GALNT3: variants seen among roughly 807,000 people sequenced by gnomAD.
GALNT3 encodes the protein GalNAc transferase 3.
A neutral mutation model predicts 69.8 loss-of-function variants in GALNT3; 51 were observed. That is an observed-to-expected ratio of 0.73 (90% CI 0.58 to 0.92). The LOEUF (loss-of-function observed/expected upper bound fraction) is 0.92. Among genes scored for constraint, GALNT3 ranks in the 40% least tolerant of loss-of-function variants. The pLI is 0.00. For synonymous variants in GALNT3, 265 were observed against 248.5 expected (o/e 1.07, Z -0.63); for missense variants, 711 against 760.0 (o/e 0.94, Z 0.76).
Position 165,748,842 on chromosome 2 carries a change from C to G in GALNT3, c.1841G>C (p.Ser614Thr), listed in dbSNP as rs760639570. Residue 614 changes from serine to threonine, a missense_variant, in exon 11 of 11, where the codon AGT becomes ACT. Physicochemically the swap from Ser to Thr is moderately conservative, Grantham distance 58 (BLOSUM62 1). Coordinates refer to ENST00000392701, the MANE Select transcript of GALNT3 (RefSeq NM_004482.4). Reference sequence around the variant, plus strand: ...ATCTGATGGGTTGCATGACACTAAACTTGGATGCTCTCCATTTGCTGAAAG... The same window carrying G: ...ATCTGATGGGTTGCATGACACTAAAGTTGGATGCTCTCCATTTGCTGAAAG... Reference protein sequence around the residue: ...MCLSANGEHPSLVSCNPSDPL... With the variant: ...MCLSANGEHPTLVSCNPSDPL... The G allele has an allele frequency of 1.2e-6, 2 of 1,611,624 alleles. No individual in the cohort carries two copies. Among genetic ancestry groups the G allele is most frequent in the Admixed American group, 3.3e-5 (2 of 59,800 alleles).
At chr2:165,777,542 G>A (rs1267408684) in intron 1 of GALNT3, among the ~76,000 whole-genome samples, 1 of 152,206 alleles carries the variant, frequency 6.6e-6, no homozygotes, top group African/African-American at 2.4e-5. Flanking sequence ...GAACAGAGGA[G>A]TGGCAGAAAG....
chr2:165,759,422 T>C lies in GALNT3; in HGVS notation c.987A>G (p.Gly329=), dbSNP rs1464239277. The change falls in exon 5 of 11, where the codon GGA becomes GGG. Residue 329 remains glycine (G), a synonymous_variant. Transcript: ENST00000392701. ...CAAATGAAAGACTCCAGTCAAAATT[T>C]CCACGGTTATGGTTACTTCCATAAG... is the stretch of plus-strand genomic sequence containing the variant. The part of the protein sequence containing the change: ...PSPYGSNHNR[G]NFDWSLSFGW... 6.2e-7 allele frequency: 1 copy of C among 1,614,050 alleles called. No individual in the cohort carries two copies. The highest frequency in any genetic ancestry group is 1.1e-5 in the South Asian group (1 of 91,084).
chr2:165,774,126 A>C (rs947771913), intron 1 of GALNT3, among the ~76,000 whole-genome samples: 1 of 152,212 alleles, frequency 6.6e-6, no homozygotes, highest in African/African-American at 2.4e-5. Context: ...AGTGGTTCCC[A>C]GTTGATGAAC....
intron 1 of GALNT3, among the ~76,000 whole-genome samples, chr2:165,788,332 A>G (rs1683268807): frequency 6.6e-6 from 1 of 151,402 alleles, no homozygotes; most frequent in Non-Finnish European, 1.5e-5. Flanking sequence ...AAAAAAAAAA[A>G]AAAAAAGGCA....
chr2:165,786,910 C>T (rs770440124), intron 1 of GALNT3, among the ~76,000 whole-genome samples: 4 of 151,738 alleles, frequency 2.6e-5, no homozygotes, highest in Non-Finnish European at 5.9e-5. Flanking sequence ...TGTAAGTGTT[C>T]AATAGTAAAT....
chr2:165,793,495 G>C (rs370162019), intron 1 of GALNT3, among the ~76,000 whole-genome samples: 149 of 152,342 alleles, frequency 9.8e-4, no homozygotes, highest in African/African-American at 3.4e-3. Flanking sequence ...CCATTTAAAT[G>C]GCTCGGCGGC....
At chr2:165,771,549 G>C (rs962508033) in intron 1 of GALNT3, 4 of 152,124 alleles carry the variant, frequency 2.6e-5, no homozygotes, top group Non-Finnish European at 5.9e-5. Context: ...GCAGAATTTG[G>C]TTTGATAAAA....
rs373564887 is a variant in GALNT3 at position 165,761,950 on chromosome 2, C to G, written c.793G>C (p.Ala265Pro). The change falls in exon 4 of 11, where the codon GCA becomes CCA. Residue 265 changes from alanine to proline, a missense_variant. Physicochemically the swap from Ala to Pro is conservative, Grantham distance 27. Transcript: ENST00000392701. ...AGCGTTTCAGCTGTTGCGACTGTTG[C>G]TCCTAGCAACCGAGCAGTGATCAGA... ...KGLITARLLGATVATAETLTF... is the reference protein window; with the variant it reads ...KGLITARLLGPTVATAETLTF... The G allele has an allele frequency of 1.2e-6, 2 of 1,614,014 alleles. No homozygotes were observed. Among genetic ancestry groups the G allele is most frequent in the Non-Finnish European group, 1.7e-6 (2 of 1,179,974 alleles).
At chr2:165,751,273 C>G (rs1688353326) in intron 9 of GALNT3, among the ~76,000 whole-genome samples, 1 of 152,144 alleles carries the variant, frequency 6.6e-6, no homozygotes, top group African/African-American at 2.4e-5. Flanking sequence ...ATGTGTATTA[C>G]AGTAGGCACT....
In GALNT3 at chr2:165,782,251, A is replaced by G. The variant is rs956940376; in HGVS notation, c.-108-11443T>C. ...GCCTTCTACTCAGCTCTCCTATCAC[A>G]TGGTCCTCTCTCTATGGGTTAGCAG... On this transcript the variant is annotated intron_variant, in intron 1 of 10. Coordinates refer to ENST00000392701, the MANE Select transcript of GALNT3 (RefSeq NM_004482.4). 5.3e-5 allele frequency among the ~76,000 whole-genome samples: 8 copies of G among 152,090 alleles called. 1 individual carries two copies. The highest frequency in any genetic ancestry group is 1.0e-4 in the Non-Finnish European group (7 of 67,994).
chr2:165,772,024 T>C (rs569427701), intron 1 of GALNT3, among the ~76,000 whole-genome samples: 1 of 152,318 alleles, frequency 6.6e-6, no homozygotes, highest in South Asian at 2.1e-4. Context: ...ATATTGCTCA[T>C]AAAAGTGAGA....
chr2:165,766,765 A>T (rs1294271884), intron 2 of GALNT3, among the ~76,000 whole-genome samples: 1 of 103,528 alleles, frequency 9.7e-6, no homozygotes. Context: ...CCCTAAAAAA[A>T]GATACACAAA....
chr2:165,778,356 G>T (rs1683018746), intron 1 of GALNT3, among the ~76,000 whole-genome samples: 1 of 152,126 alleles, frequency 6.6e-6, no homozygotes, highest in Non-Finnish European at 1.5e-5. Context: ...TAAAACATTT[G>T]TCCATCTATT....
chr2:165,764,182 G>C (rs73017451), intron 3 of GALNT3, among the ~76,000 whole-genome samples: 1,601 of 152,180 alleles, frequency 0.011, 37 homozygotes, highest in African/African-American at 0.036. Flanking sequence ...ATTTTAAGTG[G>C]AAATGTACTA....
At chr2:165,755,384 A>G (rs1390736835) in intron 7 of GALNT3, among the ~76,000 whole-genome samples, 1 of 152,214 alleles carries the variant, frequency 6.6e-6, no homozygotes, top group Non-Finnish European at 1.5e-5. Flanking sequence ...GAATGGTGGT[A>G]GGAGCATCCA....
intron 1 of GALNT3, among the ~76,000 whole-genome samples, chr2:165,779,217 T>A (rs1683047652): frequency 6.6e-6 from 1 of 152,144 alleles, no homozygotes; most frequent in African/African-American, 2.4e-5. Flanking sequence ...CCTCAGCCAC[T>A]TCAGTGTCCC....
chr2:165,777,079 G>A (rs1385618628), intron 1 of GALNT3, among the ~76,000 whole-genome samples: 3 of 152,034 alleles, frequency 2.0e-5, no homozygotes, highest in African/African-American at 7.3e-5. Context: ...AATTTTACAT[G>A]AAAGTAACAT....
chr2:165,783,597 GC>G (rs1683158987), intron 1 of GALNT3, among the ~76,000 whole-genome samples: 1 of 151,330 alleles, frequency 6.6e-6, no homozygotes, highest in Non-Finnish European at 1.5e-5. Context: ...TTTTTGCTTT[GC>G]TGGCCATATG....
intron 1 of GALNT3, among the ~76,000 whole-genome samples, chr2:165,779,401 C>G (rs1268202290): frequency 1.3e-5 from 2 of 152,134 alleles, no homozygotes; most frequent in Admixed American, 1.3e-4. Context: ...CCACATGCAC[C>G]CTCTCCCACA....
Sources: gnomAD v4.1 joint callset for allele counts (sites outside exome capture counted in the v4.1 genomes callset) on GRCh38, gnomAD v4.1.1 for gene constraint, MANE v1.5 for transcripts, NCBI Gene and HGNC (gene_info 2026-07-23, HGNC 2026-07-21) for gene names.